The following FEZF2 variants were observed in gnomAD, a reference collection of about 807,000 sequenced individuals.
The protein encoded by FEZF2 is FEZ family zinc finger 2, also known as fez family zinc finger protein 2.
A neutral mutation model predicts 32.8 loss-of-function variants in FEZF2; 2 were observed. That is an observed-to-expected ratio of 0.06 (90% CI 0.02 to 0.19). The LOEUF is 0.19. Ranked by LOEUF, FEZF2 falls within the 10% of genes least tolerant of loss-of-function variation. The pLI is 1.00. For missense variants in FEZF2, 516 were observed against 625.4 expected (o/e 0.83, Z 1.87); for synonymous variants, 322 against 284.8 (o/e 1.13, Z -1.32).
chr3:62,371,769 G>T, intron 2 of FEZF2, 102 bp from the exon 3 acceptor site: 1 of 1,504,656 alleles, frequency 6.6e-7, no homozygotes. Flanking sequence ...ACCCCCTTCA[G>T]AAACCAGAGC....
rs1376284513 is a variant in FEZF2, at chr3:62,372,312, A to T, written c.557T>A (p.Leu186His). The change falls in exon 2 of 5, where the codon CTC becomes CAC. Residue 186 changes from leucine to histidine, a missense_variant. By Grantham distance (99) the Leu-to-His change is moderately conservative. Coordinates refer to ENST00000283268, the MANE Select transcript of FEZF2 (RefSeq NM_018008.4). The surrounding 1 kb of genome is among the most constrained non-coding windows in gnomAD (Gnocchi z 9.6). Reference protein sequence around the residue: ...DSTAYPPSELLSGHLFPSGLL... With the variant: ...DSTAYPPSELHSGHLFPSGLL... ...GCCAGACGGGAAGAGGTGGCCGCTG[A>T]GGAGCTCAGACGGCGGGTACGCGGT... 1.2e-6 allele frequency: 2 copies of T among 1,608,820 alleles called. No homozygotes were observed. Among genetic ancestry groups the T allele is most frequent in the Non-Finnish European group, 1.7e-6 (2 of 1,178,768 alleles).
At chr3:62,371,734 C>G (rs1422483022) in intron 2 of FEZF2, 67 bp from the exon 3 acceptor site, 6 of 1,546,422 alleles carry the variant, frequency 3.9e-6, no homozygotes, top group East Asian at 2.3e-5. Flanking sequence ...CCCGGGGGGG[C>G]CACAGCCTAC....
chr3:62,370,094 C>G lies in FEZF2; in HGVS notation c.1369G>C (p.Val457Leu). ...APSAKDLTRT[V>L]QS is the part of the protein sequence containing the mutation. ...CAAGGCAGTAGCTCTCAGCTCTGCA[C>G]TGTCCTAGTCAGGTCCTTTGCGGAG... The change falls in exon 5 of 5, where the codon GTG becomes CTG. Residue 457 changes from valine to leucine, a missense_variant. Val to Leu is a conservative substitution (Grantham distance 32, BLOSUM62 1). Around this residue, in one of 3 missense-constraint regions of FEZF2, gnomAD observed 29 missense variants for 23.8 expected, o/e 1.22. Transcript: ENST00000283268. The surrounding 1 kb of genome is among the most constrained non-coding windows in gnomAD (Gnocchi z 4.2). 3 of 1,614,180 alleles carry G rather than the reference C, an allele frequency of 1.9e-6. No individual in the cohort carries two copies. Among genetic ancestry groups the G allele is most frequent in the Non-Finnish European group, 2.5e-6 (3 of 1,180,032 alleles).
Position 62,372,634 on chromosome 3 carries a change from G to C in FEZF2, c.235C>G (p.Leu79Val). The change falls in exon 2 of 5, where the codon CTA becomes GTA. Residue 79 changes from leucine to valine, a missense_variant. By Grantham distance (32) the Leu-to-Val change is conservative. Transcript: ENST00000283268. This position sits in a 1 kb window ranked among gnomAD's most constrained non-coding sequence, Gnocchi z 9.6. ...GTCTTTGACGGCACCTCGTAGCCTA[G>C]GGGCTGGAGGGGGATCATACAGGGC... The part of the protein sequence containing the change: ...PLPCMIPLQP[L>V]GYEVPSKTLL... The C allele has an allele frequency of 6.3e-7, 1 of 1,574,954 alleles. No homozygotes were observed. The highest frequency in any genetic ancestry group is 8.6e-7 in the Non-Finnish European group (1 of 1,158,242).
Position 62,372,521 on chromosome 3 carries a change from CCCGCCGCCGCCGCCGCCACCG to C in FEZF2, c.327_347del (p.Gly111_Gly117del). On this transcript the variant is annotated inframe_deletion, in exon 2 of 5. Coordinates refer to ENST00000283268, the MANE Select transcript of FEZF2 (RefSeq NM_018008.4). This position sits in a 1 kb window ranked among gnomAD's most constrained non-coding sequence, Gnocchi z 9.6. ...CGCTGGCGCCGCACACTGGGGCCCC[CCCGCCGCCGCCGCCGCCACCG>C]CCGCCGCCGCCTCCGCCGCCGCCCG... 11 of 1,294,778 alleles carry C rather than the reference CCCGCCGCCGCCGCCGCCACCG, an allele frequency of 8.5e-6. 1 individual carries two copies. Among genetic ancestry groups the C allele is most frequent in the Non-Finnish European group, 9.8e-6 (10 of 1,023,078 alleles). 80.2% of individuals were successfully genotyped at this position (1,294,778 alleles called of 1,614,324 possible).
chr3:62,371,944 T>C, intron 2 of FEZF2, 73 bp downstream of exon 2: 1 of 1,540,390 alleles, frequency 6.5e-7, no homozygotes, highest in Admixed American at 2.0e-5. Flanking sequence ...AAAGGGGCAT[T>C]CCAGGCTGCC....
Position 62,371,296 on chromosome 3 carries a change from C to A in FEZF2, c.1041G>T (p.Thr347=). The change falls in exon 4 of 5, where the codon ACG becomes ACT. Residue 347 remains threonine, a synonymous_variant. Coordinates refer to ENST00000283268, the MANE Select transcript of FEZF2 (RefSeq NM_018008.4). ...QCGKAFNRSS[T]LNTHIRIHAG... is the part of the protein sequence containing the mutation. ...CGTGGATGCGGATATGCGTGTTGAG[C>A]GTGGAGCTGCGGTTGAACGCTTTGC... 3.1e-6 allele frequency: 5 copies of A among 1,614,228 alleles called. No homozygotes were observed. Among genetic ancestry groups the A allele is most frequent in the Non-Finnish European group, 4.2e-6 (5 of 1,180,040 alleles).
At chr3:62,371,766 T>C (rs1026545847) in intron 2 of FEZF2, 99 bp from the exon 3 acceptor site, 12 of 1,506,186 alleles carry the variant, frequency 8.0e-6, no homozygotes, top group Non-Finnish European at 1.1e-5. Context: ...AACACCCCCT[T>C]CAGAAACCAG....
In FEZF2 at chr3:62,371,552, T is replaced by G; in HGVS notation, c.968A>C (p.His323Pro). ...ACGTACCTGGGTGTGGATAATTTTG[T>G]GCCTGCAGAGCGTGCTGGCCTGGCG... ...GFRQASTLCRHKIIHTQEKPH... is the reference protein window; with the variant it reads ...GFRQASTLCRPKIIHTQEKPH... The change falls in exon 3 of 5, where the codon CAC becomes CCC. Residue 323 changes from histidine (H) to proline (P), a missense_variant. Transcript: ENST00000283268. 6.2e-7 allele frequency: 1 copy of G among 1,613,332 alleles called. No homozygotes were observed. Among genetic ancestry groups the G allele is most frequent in the Non-Finnish European group, 8.5e-7 (1 of 1,179,572 alleles).
rs773973903 is a variant in FEZF2 at position 62,371,984 on chromosome 3, TC to T, written c.852+32del. 12 of 1,590,154 alleles carry T rather than the reference TC, an allele frequency of 7.5e-6. No individual in the cohort carries two copies. The South Asian group carries it at 1.1e-4, about 15-fold the overall frequency. On this transcript the variant is annotated intron_variant, in intron 2 of 4. Coordinates refer to ENST00000283268, the MANE Select transcript of FEZF2 (RefSeq NM_018008.4). ...GGAAGCCGCCGCCGCCGATCGCCCC[TC>T]CCGGCCCCCCTCGCCGAACCCTGGG... is the stretch of plus-strand genomic sequence containing the variant.
Position 62,373,168 on chromosome 3 carries a change from A to C in FEZF2, c.-59+111T>G. 3.1e-6 allele frequency: 1 copy of C among 326,924 alleles called. No homozygotes were observed. Among genetic ancestry groups the C allele is most frequent in the South Asian group, 1.4e-4 (1 of 7,202 alleles). 20.3% of individuals were successfully genotyped at this position (326,924 alleles called of 1,614,324 possible). On this transcript the variant is annotated intron_variant, in intron 1 of 4. Coordinates refer to ENST00000283268, the MANE Select transcript of FEZF2 (RefSeq NM_018008.4). This position sits in a 1 kb window ranked among gnomAD's most constrained non-coding sequence, Gnocchi z 5.5. ...GGGGGGGCGGTGAGAAAAGAGTCTC[A>C]AATTAACCCCCCTGAGCCCTTCCCT...
intron 2 of FEZF2, 74 bp from the exon 3 acceptor site, chr3:62,371,741 C>A: frequency 6.5e-7 from 1 of 1,541,098 alleles, no homozygotes; most frequent in Non-Finnish European, 8.7e-7. Context: ...GGGCCACAGC[C>A]TACCTCCCCC....
At position 62,372,609 on chromosome 3, in the gene FEZF2, G is replaced by C. The variant is rs1478829926; in HGVS notation, c.260C>G (p.Thr87Arg). The change falls in exon 2 of 5, where the codon ACA becomes AGA. Residue 87 changes from threonine to arginine, a missense_variant. This residue lies in a region of FEZF2 where 408 missense variants were observed against 382.2 expected (regional missense o/e 1.07). Transcript: ENST00000283268. The surrounding 1 kb of genome is among the most constrained non-coding windows in gnomAD (Gnocchi z 9.6). Reference sequence around the variant, plus strand: ...CCAGAGCTCCGAGTAACTGAGCAGTGTCTTTGACGGCACCTCGTAGCCTAG... The same window carrying C: ...CCAGAGCTCCGAGTAACTGAGCAGTCTCTTTGACGGCACCTCGTAGCCTAG... ...QPLGYEVPSKTLLSYSELWKS... is the reference protein window; with the variant it reads ...QPLGYEVPSKRLLSYSELWKS... 6.4e-7 allele frequency: 1 copy of C among 1,557,662 alleles called. No homozygotes were observed. Among genetic ancestry groups the C allele is most frequent in the Non-Finnish European group, 8.7e-7 (1 of 1,148,678 alleles).
chr3:62,371,081 G>C (rs1378701186), intron 4 of FEZF2, 136 bp downstream of exon 4: 2 of 1,328,038 alleles, frequency 1.5e-6, no homozygotes, highest in Admixed American at 1.8e-5. Context: ...GGCACAACCC[G>C]ATTCTAAAGA....
At chr3:62,371,413 C>A (rs551271206) in intron 3 of FEZF2, 64 bp from the exon 4 acceptor site, 14 of 1,587,200 alleles carry the variant, frequency 8.8e-6, no homozygotes, top group African/African-American at 2.7e-5. Context: ...AAGGGACATC[C>A]CCCCCACCCC....
In FEZF2 at chr3:62,370,834, C is replaced by T. The variant is rs1329777705; in HGVS notation, c.1120+383G>A. On this transcript the variant is annotated intron_variant, in intron 4 of 4. Coordinates refer to ENST00000283268, the MANE Select transcript of FEZF2 (RefSeq NM_018008.4). This position sits in a 1 kb window ranked among gnomAD's most constrained non-coding sequence, Gnocchi z 4.2. ...GGGGCCAAGGATCATACCGGTTTCC[C>T]CCAATCTTAGATTGTTCCCGGGAGG... Among the ~76,000 whole-genome samples, 1 of 152,212 alleles carries T rather than the reference C, an allele frequency of 6.6e-6. No homozygotes were observed. Among genetic ancestry groups the T allele is most frequent in the Non-Finnish European group, 1.5e-5 (1 of 68,036 alleles).
chr3:62,370,480 G>GA lies in FEZF2; in HGVS notation c.1121-139dup, dbSNP rs1704253171. ...CTAGGCGGGCGCGACCTCTTCGAGT[G>GA]AAGAAGTTGTCAAACTTCGTAAGCG... On this transcript the variant is annotated intron_variant, in intron 4 of 4. Transcript: ENST00000283268. The surrounding 1 kb of genome is among the most constrained non-coding windows in gnomAD (Gnocchi z 4.2). 4.7e-6 allele frequency: 4 copies of GA among 847,884 alleles called. No homozygotes were observed. In the East Asian group the frequency reaches 9.8e-5, roughly 21 times the overall value. 52.5% of individuals were successfully genotyped at this position (847,884 alleles called of 1,614,324 possible).
intron 2 of FEZF2, 59 bp from the exon 3 acceptor site, chr3:62,371,726 C>A: frequency 6.4e-7 from 1 of 1,556,270 alleles, no homozygotes; most frequent in South Asian, 1.2e-5. Context: ...CAATCAGCCC[C>A]GGGGGGGCCA....
At position 62,372,912 on chromosome 3, in the gene FEZF2, C is replaced by T. The variant is rs2148946079; in HGVS notation, c.-44G>A. ...GAGCCAGGCTGGGCCAGGGCGCAGC[C>T]TCTCTCCTCTAAGTCTGCATTCCGG... On this transcript the variant is annotated 5_prime_UTR_variant, in exon 2 of 5. Transcript: ENST00000283268. This position sits in a 1 kb window ranked among gnomAD's most constrained non-coding sequence, Gnocchi z 9.6. The T allele has an allele frequency of 7.4e-7, 1 of 1,356,382 alleles. No homozygotes were observed. The highest frequency in any genetic ancestry group is 9.5e-7 in the Non-Finnish European group (1 of 1,048,926). The allele number at this position is 1,356,382 out of a possible 1,614,324, so 84.0% of individuals were successfully genotyped here.
Sources: gnomAD v4.1 joint callset for allele counts (sites outside exome capture counted in the v4.1 genomes callset) on GRCh38, gnomAD v4.1.1 for gene constraint, gnomAD v4.1.1 regional missense constraint, Gnocchi (gnomAD v3.1) non-coding constraint, MANE v1.5 for transcripts, NCBI Gene and HGNC (gene_info 2026-07-23, HGNC 2026-07-21) for gene names.